The following SLC35F3 variants were observed in gnomAD, a reference collection of about 807,000 sequenced individuals.
The protein encoded by SLC35F3 is solute carrier family 35 member F3.
Under a neutral mutation model 49.9 loss-of-function variants are expected in SLC35F3, and 25 were observed. That is an observed-to-expected ratio of 0.50 (90% confidence interval 0.37 to 0.70). The LOEUF is 0.70. Ranked by LOEUF, SLC35F3 falls within the 30% of genes least tolerant of loss-of-function variation. SLC35F3 has a pLI of 0.00. For missense variants in SLC35F3, 525 were observed against 639.8 expected (o/e 0.82, Z 1.94); for synonymous variants, 275 against 265.4 (o/e 1.04, Z -0.35).
At chr1:234,296,280 T>G (rs927841329) in intron 3 of SLC35F3, among the ~76,000 whole-genome samples, 18 of 152,200 alleles carry the variant, frequency 1.2e-4, no homozygotes, top group Admixed American at 1.1e-3. Context: ...AAAAATCACA[T>G]TTTGCAAGGG....
At chr1:234,061,776 C>G (rs1296134577) in intron 2 of SLC35F3, among the ~76,000 whole-genome samples, 1 of 152,080 alleles carries the variant, frequency 6.6e-6, no homozygotes, top group Non-Finnish European at 1.5e-5. Flanking sequence ...AGTTGTTATA[C>G]TTTTCAACTC....
At chr1:234,260,076 A>G (rs1667880015) in intron 3 of SLC35F3, among the ~76,000 whole-genome samples, 1 of 152,198 alleles carries the variant, frequency 6.6e-6, no homozygotes, top group South Asian at 2.1e-4. Flanking sequence ...AAAAAAATGA[A>G]TAGGTTTTTA....
At chr1:234,105,341 C>G (rs1430063352) in intron 2 of SLC35F3, among the ~76,000 whole-genome samples, 1 of 152,166 alleles carries the variant, frequency 6.6e-6, no homozygotes, top group East Asian at 1.9e-4. Flanking sequence ...AGAAGTGAGA[C>G]TAGGACCTCA....
intron 3 of SLC35F3, among the ~76,000 whole-genome samples, chr1:234,280,107 C>T (rs1352787987): frequency 1.3e-5 from 2 of 152,238 alleles, no homozygotes; most frequent in East Asian, 1.9e-4. Context: ...CCTAACAGAA[C>T]ATTTGCCTTC....
rs143421664 is a variant in SLC35F3, at chr1:234,128,563, A to G, written c.284-102854A>G. Among the ~76,000 whole-genome samples the G allele has an allele frequency of 2.6e-3, 398 of 152,360 alleles. 1 individual carries two copies. Among genetic ancestry groups the G allele is most frequent in the African/African-American group, 8.8e-3 (366 of 41,578 alleles). Reference sequence around the variant, plus strand: ...AGAACTGGAAATGAGCAAAAGCAGCATCAGAGACATAGCTGAGACTGAATT... The same window carrying G: ...AGAACTGGAAATGAGCAAAAGCAGCGTCAGAGACATAGCTGAGACTGAATT... On this transcript the variant is annotated intron_variant, in intron 2 of 7. Transcript: ENST00000366618.
At chr1:234,182,473 G>A (rs770624733) in intron 2 of SLC35F3, among the ~76,000 whole-genome samples, 1 of 152,198 alleles carries the variant, frequency 6.6e-6, no homozygotes, top group African/African-American at 2.4e-5. Flanking sequence ...CAGCTCCATT[G>A]TCTGGCCGTG....
Position 234,056,459 on chromosome 1 carries a change from C to T in SLC35F3, c.283+150701C>T, listed in dbSNP as rs186075188. On this transcript the variant is annotated intron_variant, in intron 2 of 7. Coordinates refer to ENST00000366618, the MANE Select transcript of SLC35F3 (RefSeq NM_173508.4). Reference sequence around the variant, plus strand: ...CATGGTATCTGTGCAACTATCACCACAGTCCATTTTAGAACACTTTAATGA... The same window carrying T: ...CATGGTATCTGTGCAACTATCACCATAGTCCATTTTAGAACACTTTAATGA... Among the ~76,000 whole-genome samples the T allele has an allele frequency of 2.1e-3, 318 of 152,318 alleles. 6 individuals carry two copies. The highest frequency in any genetic ancestry group is 3.8e-4 in the Non-Finnish European group (26 of 68,036).
intron 3 of SLC35F3, among the ~76,000 whole-genome samples, chr1:234,265,291 A>G (rs888634538): frequency 6.6e-6 from 1 of 152,136 alleles, no homozygotes; most frequent in African/African-American, 2.4e-5. Flanking sequence ...TTGCAGTTGC[A>G]CAGGCCAAAA....
At chr1:233,984,861 A>C (rs1400260544) in intron 2 of SLC35F3, among the ~76,000 whole-genome samples, 1 of 152,218 alleles carries the variant, frequency 6.6e-6, no homozygotes, top group Non-Finnish European at 1.5e-5. Context: ...TAAGAAAACC[A>C]AACATCCCAT....
In SLC35F3 at chr1:234,323,326, C is replaced by G. The variant is rs1657678001; in HGVS notation, c.*83C>G. ...ACCTCAGTTGGGTAAGGTGTACATACCTGTACAGTTTTGGTCATCTGCGGT... is the reference window on the plus strand; with the variant it reads ...ACCTCAGTTGGGTAAGGTGTACATAGCTGTACAGTTTTGGTCATCTGCGGT... On this transcript the variant is annotated 3_prime_UTR_variant, in exon 8 of 8. Transcript: ENST00000366618. The surrounding 1 kb of genome is among the most constrained non-coding windows in gnomAD (Gnocchi z 4.5). The G allele has an allele frequency of 5.7e-6, 7 of 1,219,102 alleles. No homozygotes were observed. In the Admixed American group the frequency reaches 6.8e-5, roughly 12 times the overall value. 75.5% of individuals were successfully genotyped at this position (1,219,102 alleles called of 1,614,324 possible).
chr1:234,258,286 G>A (rs1217284074), intron 3 of SLC35F3, among the ~76,000 whole-genome samples: 1 of 152,188 alleles, frequency 6.6e-6, no homozygotes, highest in East Asian at 1.9e-4. Flanking sequence ...CACAGGACTG[G>A]TTGAATTAGT....
intron 3 of SLC35F3, among the ~76,000 whole-genome samples, chr1:234,294,875 A>T (rs1330775364): frequency 1.3e-5 from 2 of 151,972 alleles, no homozygotes; most frequent in Non-Finnish European, 2.9e-5. Flanking sequence ...GGCACAGAAT[A>T]TTATGGGGGC....
intron 2 of SLC35F3, among the ~76,000 whole-genome samples, chr1:233,971,059 T>A (rs748838998): frequency 1.3e-5 from 2 of 152,160 alleles, no homozygotes; most frequent in Non-Finnish European, 2.9e-5. Flanking sequence ...AGAGGCAGAG[T>A]GTTGAAAGCC....
Position 234,162,381 on chromosome 1 carries a change from CAAAAAAAAAAAAAAAAA to C in SLC35F3, c.284-69023_284-69007del, listed in dbSNP as rs147145054. Among the ~76,000 whole-genome samples, 12 of 58,568 alleles carry C rather than the reference CAAAAAAAAAAAAAAAAA, an allele frequency of 2.0e-4. No homozygotes were observed. The East Asian group carries it at 6.8e-3, about 33-fold the overall frequency. The allele number at this position is 58,568 out of a possible 152,430, so 38.4% of individuals were successfully genotyped here. On this transcript the variant is annotated intron_variant, in intron 2 of 7. Coordinates refer to ENST00000366618, the MANE Select transcript of SLC35F3 (RefSeq NM_173508.4). ...AGGAACATTCAACTAAGCCTCTGTGCAAAAAAAAAAAAAAAAAAAAAAAAAAAAAGCAATCTTTAACA... is the reference window on the plus strand; with the variant it reads ...AGGAACATTCAACTAAGCCTCTGTGCAAAAAAAAAAAAGCAATCTTTAACA...
chr1:234,246,519 A>G (rs113535574), intron 3 of SLC35F3, among the ~76,000 whole-genome samples: 2,250 of 152,330 alleles, frequency 0.015, 51 homozygotes, highest in African/African-American at 0.051. Context: ...GGAGCTGCCA[A>G]ATGATAAGAG....
At chr1:233,987,228 G>A (rs1323242614) in intron 2 of SLC35F3, among the ~76,000 whole-genome samples, 2 of 152,166 alleles carry the variant, frequency 1.3e-5, no homozygotes, top group Non-Finnish European at 2.9e-5. Flanking sequence ...GACAGAGGTT[G>A]CAATGAGCCA....
chr1:233,965,206 T>C (rs1179876711), intron 2 of SLC35F3, among the ~76,000 whole-genome samples: 10 of 152,210 alleles, frequency 6.6e-5, no homozygotes, highest in Non-Finnish European at 5.9e-5. Context: ...AAATGGTTTT[T>C]CTTCAAAAAT....
intron 2 of SLC35F3, among the ~76,000 whole-genome samples, chr1:233,949,202 A>G (rs547783243): frequency 3.9e-5 from 6 of 152,076 alleles, no homozygotes; most frequent in Admixed American, 2.0e-4. Flanking sequence ...TCACACTCCT[A>G]ACTTTTCCTC....
chr1:234,160,823 A>C (rs750384887), intron 2 of SLC35F3, among the ~76,000 whole-genome samples: 1 of 152,194 alleles, frequency 6.6e-6, no homozygotes, highest in Non-Finnish European at 1.5e-5. Context: ...CCAAGTGTAC[A>C]TGTCATGCAT....
Sources: gnomAD v4.1 joint callset for allele counts (sites outside exome capture counted in the v4.1 genomes callset) on GRCh38, gnomAD v4.1.1 for gene constraint, Gnocchi (gnomAD v3.1) non-coding constraint, MANE v1.5 for transcripts, NCBI Gene and HGNC (gene_info 2026-07-23, HGNC 2026-07-21) for gene names.